ONECUT2: variants seen among roughly 807,000 people sequenced by gnomAD.
The protein encoded by ONECUT2 is one cut homeobox 2.
ONECUT2 carries 10 observed loss-of-function variants against 27.9 expected under a neutral mutation model. The ratio of observed to expected loss-of-function variants is 0.36; its 90% CI spans 0.22 to 0.61. The LOEUF (loss-of-function observed/expected upper bound fraction) is 0.61, where lower values mean the gene tolerates loss of function less well. Ranked by LOEUF, ONECUT2 falls within the 20% of genes least tolerant of loss-of-function variation. The probability of loss-of-function intolerance (pLI) is 0.73; values close to 1 mark genes in which losing one functional copy is unlikely to be tolerated. For synonymous variants in ONECUT2, 334 were observed against 315.1 expected (o/e 1.06, Z -0.64); for missense variants, 686 against 721.0 (o/e 0.95, Z 0.56).
Position 57,477,154 on chromosome 18 carries a change from T to C in ONECUT2, c.*431T>C, listed in dbSNP as rs2050388064. 1 of 176,686 alleles carries C rather than the reference T, an allele frequency of 5.7e-6. No homozygotes were observed. The highest frequency in any genetic ancestry group is 2.4e-5 in the African/African-American group (1 of 41,848). The allele number at this position is 176,686 out of a possible 1,614,324, so 10.9% of individuals were successfully genotyped here. A position where few individuals can be genotyped will look rare whatever the true frequency, so the allele number is the denominator to read the frequency against. ...AGGAGTTTGGCCTATGTAAGGACTC[T>C]GAGTTTAGGCTTCCAAGATACAACA... On this transcript the variant is annotated 3_prime_UTR_variant, in exon 2 of 2. Transcript: ENST00000491143.
At chr18:57,467,986 C>T (rs769596622) in intron 1 of ONECUT2, among the ~76,000 whole-genome samples, 15 of 152,206 alleles carry the variant, frequency 9.9e-5, no homozygotes, top group African/African-American at 2.9e-4. Flanking sequence ...ATAAGCCAGG[C>T]GGCAGTGCTC....
chr18:57,439,003 G>C (rs2050159620), intron 1 of ONECUT2, among the ~76,000 whole-genome samples: 1 of 152,188 alleles, frequency 6.6e-6, no homozygotes, highest in Non-Finnish European at 1.5e-5. Context: ...GCTGGTCTTA[G>C]GGGTACAGTT....
intron 1 of ONECUT2, among the ~76,000 whole-genome samples, chr18:57,474,772 T>A (rs17831431): frequency 0.07 from 10,711 of 152,150 alleles, 835 homozygotes; most frequent in East Asian, 0.36. Context: ...GCAGAACACA[T>A]TGAACAGGAA....
intron 1 of ONECUT2, among the ~76,000 whole-genome samples, chr18:57,445,610 G>A (rs778054399): frequency 6.6e-6 from 1 of 152,128 alleles, no homozygotes; most frequent in Non-Finnish European, 1.5e-5. Flanking sequence ...TCGTAGGTGA[G>A]CTAATGTATT....
chr18:57,475,901 T>C (rs2050379366), intron 1 of ONECUT2, among the ~76,000 whole-genome samples: 1 of 152,218 alleles, frequency 6.6e-6, no homozygotes, highest in Non-Finnish European at 1.5e-5. Flanking sequence ...GTTGGGATGA[T>C]ACCATCATTC....
intron 1 of ONECUT2, among the ~76,000 whole-genome samples, chr18:57,451,022 A>G (rs1177315842): frequency 6.6e-6 from 1 of 152,184 alleles, no homozygotes; most frequent in African/African-American, 2.4e-5. Context: ...ACTTACCTTT[A>G]CATATCCATA....
Position 57,482,173 on chromosome 18 carries a change from A to G in ONECUT2, c.*5450A>G, listed in dbSNP as rs1008445377. 6.6e-6 allele frequency: 1 copy of G among 152,144 alleles called. No individual in the cohort carries two copies. Among genetic ancestry groups the G allele is most frequent in the Non-Finnish European group, 1.5e-5 (1 of 68,026 alleles). The allele number at this position is 152,144 out of a possible 1,614,324, so 9.4% of individuals were successfully genotyped here. A position where few individuals can be genotyped will look rare whatever the true frequency, so the allele number is the denominator to read the frequency against. ...GTTGTATAAGTCTCATAAGATAATG[A>G]TGTTGATTTTAAATATGGATGTCTC... On this transcript the variant is annotated 3_prime_UTR_variant, in exon 2 of 2. Coordinates refer to ENST00000491143, the MANE Select transcript of ONECUT2 (RefSeq NM_004852.3).
intron 1 of ONECUT2, among the ~76,000 whole-genome samples, chr18:57,458,448 C>T (rs1022036601): frequency 1.3e-4 from 20 of 152,088 alleles, no homozygotes; most frequent in Non-Finnish European, 2.2e-4. Context: ...CTTAGGTTTG[C>T]GTATTGTTTT....
chr18:57,485,058 A>C lies in ONECUT2; in HGVS notation c.*8335A>C, dbSNP rs1253330649. ...ATACGGGATTTTTGCCCTAGGAAAAACATGTTGATCCCAATGATGTGATCA... is the reference window on the plus strand; with the variant it reads ...ATACGGGATTTTTGCCCTAGGAAAACCATGTTGATCCCAATGATGTGATCA... On this transcript the variant is annotated 3_prime_UTR_variant, in exon 2 of 2. Transcript: ENST00000491143. The C allele has an allele frequency of 2.0e-5, 3 of 152,198 alleles. No homozygotes were observed. The highest frequency in any genetic ancestry group is 6.5e-5 in the Admixed American group (1 of 15,282). The allele number at this position is 152,198 out of a possible 1,614,324, so 9.4% of individuals were successfully genotyped here.
chr18:57,442,848 G>A (rs1428030031), intron 1 of ONECUT2, among the ~76,000 whole-genome samples: 2 of 152,154 alleles, frequency 1.3e-5, no homozygotes, highest in East Asian at 1.9e-4. Flanking sequence ...CTCCTTTTGA[G>A]CCAGGTCTGC....
chr18:57,458,415 CAGAT>C (rs1283019345), intron 1 of ONECUT2, among the ~76,000 whole-genome samples: 3 of 152,126 alleles, frequency 2.0e-5, no homozygotes, highest in Non-Finnish European at 4.4e-5. Flanking sequence ...GGTAGAAAGA[CAGAT>C]AGATAGATCG....
rs570600925 is a variant in ONECUT2, at chr18:57,456,960, C to T, written c.1229-19477C>T. Among the ~76,000 whole-genome samples the T allele has an allele frequency of 1.2e-4, 18 of 152,256 alleles. No homozygotes were observed. In the South Asian group the frequency reaches 2.1e-3, roughly 18 times the overall value. On this transcript the variant is annotated intron_variant, in intron 1 of 1. Transcript: ENST00000491143. ...GTCCTCACTAAGTTCACCATCAATA[C>T]GGTGACTTCCTGGGAGTGGGGTATC...
chr18:57,461,579 C>T (rs1012741700), intron 1 of ONECUT2, among the ~76,000 whole-genome samples: 4 of 152,092 alleles, frequency 2.6e-5, no homozygotes, highest in African/African-American at 9.7e-5. Context: ...GGGAAGAAGC[C>T]CAATAAGAGT....
Position 57,476,738 on chromosome 18 carries a change from C to G in ONECUT2, c.*15C>G. On this transcript the variant is annotated 3_prime_UTR_variant, in exon 2 of 2. Coordinates refer to ENST00000491143, the MANE Select transcript of ONECUT2 (RefSeq NM_004852.3). ...CCAAAGCATGATGGAAGGACTCTCA[C>G]TTGGGCACAAGTCACCTCCAAATGA... is the stretch of plus-strand genomic sequence containing the variant. The G allele has an allele frequency of 6.2e-7, 1 of 1,612,362 alleles. No homozygotes were observed. Among genetic ancestry groups the G allele is most frequent in the African/African-American group, 1.3e-5 (1 of 75,006 alleles).
rs893436633 is a variant in ONECUT2 at position 57,486,016 on chromosome 18, A to G, written c.*9293A>G. ...GCAAAGATGACTTAATTCATTGAGC[A>G]GCAGAGCTCCCTATAAGTGAACATC... On this transcript the variant is annotated 3_prime_UTR_variant, in exon 2 of 2. Coordinates refer to ENST00000491143, the MANE Select transcript of ONECUT2 (RefSeq NM_004852.3). The G allele has an allele frequency of 2.6e-5, 4 of 152,676 alleles. No homozygotes were observed. Among genetic ancestry groups the G allele is most frequent in the Non-Finnish European group, 5.9e-5 (4 of 68,068 alleles). The allele number at this position is 152,676 out of a possible 1,614,324, so 9.5% of individuals were successfully genotyped here.
rs996811186 is a variant in ONECUT2, at chr18:57,487,780, T to A, written c.*11057T>A. 1.3e-5 allele frequency: 2 copies of A among 152,198 alleles called. No homozygotes were observed. Among genetic ancestry groups the A allele is most frequent in the African/African-American group, 2.4e-5 (1 of 41,458 alleles). The allele number at this position is 152,198 out of a possible 1,614,324, so 9.4% of individuals were successfully genotyped here. On this transcript the variant is annotated 3_prime_UTR_variant, in exon 2 of 2. Transcript: ENST00000491143. ...TATAAGAAGAAGTTTTGAAACCCAC[T>A]TTAGGAAAACCATCTTCTTTAAATC...
At chr18:57,452,292 C>T (rs1294623556) in intron 1 of ONECUT2, among the ~76,000 whole-genome samples, 5 of 152,216 alleles carry the variant, frequency 3.3e-5, no homozygotes, top group African/African-American at 1.2e-4. Context: ...CAATGCCTAA[C>T]ACATAGTTTG....
In ONECUT2 at chr18:57,469,235, C is replaced by T. The variant is rs536330400; in HGVS notation, c.1229-7202C>T. ...ACAAGCCTTCCTAGGAGGGAAGCTGCGAGCTCTTCAGCTGAAAAGCGAAAA... is the reference window on the plus strand; with the variant it reads ...ACAAGCCTTCCTAGGAGGGAAGCTGTGAGCTCTTCAGCTGAAAAGCGAAAA... On this transcript the variant is annotated intron_variant, in intron 1 of 1. Transcript: ENST00000491143. Among the ~76,000 whole-genome samples the T allele has an allele frequency of 5.1e-4, 77 of 152,250 alleles. 1 individual carries two copies. Among genetic ancestry groups the T allele is most frequent in the African/African-American group, 1.6e-3 (68 of 41,548 alleles).
rs768949608 is a variant in ONECUT2, at chr18:57,478,309, G to A, written c.*1586G>A. The A allele has an allele frequency of 2.0e-5, 3 of 152,542 alleles. No individual in the cohort carries two copies. The highest frequency in any genetic ancestry group is 4.1e-4 in the South Asian group (2 of 4,830). The allele number at this position is 152,542 out of a possible 1,614,324, so 9.4% of individuals were successfully genotyped here. On this transcript the variant is annotated 3_prime_UTR_variant, in exon 2 of 2. Transcript: ENST00000491143. ...AGTGAATGGCCCCGGGTGGGGCCAC[G>A]TGGGGGTGTTCAAAGCAAGCCAAAC...
Sources: allele counts gnomAD v4.1 joint callset (sites outside exome capture counted in the v4.1 genomes callset), GRCh38; gene constraint gnomAD v4.1.1; transcripts MANE v1.5; gene names NCBI Gene and HGNC (gene_info 2026-07-23, HGNC 2026-07-21).